Variants in ARL17B observed in about 807,000 individuals in gnomAD.
ARL17B encodes the protein ARF like GTPase 17B, also known as ADP-ribosylation factor-like protein 17.
intron 4 of ARL17B, chr17:46,275,473 G>A: frequency 1.4e-6 from 1 of 732,300 alleles, no homozygotes; most frequent in Admixed American, 2.2e-5. Flanking sequence ...TGAAAATGAT[G>A]CTTTATGCGG....
At chr17:46,279,309 A>G (rs2049690625) in intron 4 of ARL17B, among the ~76,000 whole-genome samples, 1 of 148,838 alleles carries the variant, frequency 6.7e-6, no homozygotes, top group Non-Finnish European at 1.5e-5. Context: ...TCAGCCTCCC[A>G]AGTAGCGAGG....
chr17:46,279,656 C>G (rs540798379), intron 4 of ARL17B, among the ~76,000 whole-genome samples: 127 of 152,058 alleles, frequency 8.4e-4, no homozygotes, highest in African/African-American at 2.8e-3. Flanking sequence ...CATCACCATG[C>G]CTGGCTAATT....
At chr17:46,281,226 C>A (rs529113786) in intron 4 of ARL17B, among the ~76,000 whole-genome samples, 1 of 152,146 alleles carries the variant, frequency 6.6e-6, no homozygotes, top group South Asian at 2.1e-4. Flanking sequence ...ACCCCTTGCT[C>A]CCCCCACCCC....
chr17:46,277,652 T>C (rs2049627482), intron 4 of ARL17B, among the ~76,000 whole-genome samples: 2 of 151,148 alleles, frequency 1.3e-5, no homozygotes, highest in Non-Finnish European at 2.9e-5. Flanking sequence ...TTTCTTTCTT[T>C]CTTTTTTTTT....
rs963979069 is a variant in ARL17B, at chr17:46,311,505, C to T, written c.260-11840G>A. Among the ~76,000 whole-genome samples, 41 of 82,540 alleles carry T rather than the reference C, an allele frequency of 5.0e-4. 5 individuals carry two copies. Among genetic ancestry groups the T allele is most frequent in the African/African-American group, 1.4e-3 (39 of 28,412 alleles). 54.1% of individuals were successfully genotyped at this position (82,540 alleles called of 152,430 possible). The stretch of plus-strand genomic sequence containing the variant: ...AGCTAGAGCTGTTAGGATTTCAGTA[C>T]ATTTAAGACAGTGATGACATGCTCC... On this transcript the variant is annotated intron_variant, in intron 3 of 4. Coordinates refer to the ARL17B transcript ENST00000434041.
chr17:46,275,967 T>C (rs1240800281), intron 4 of ARL17B, among the ~76,000 whole-genome samples: 10 of 152,190 alleles, frequency 6.6e-5, no homozygotes, highest in Non-Finnish European at 1.3e-4. Flanking sequence ...CTTGGCTCAC[T>C]GCAACCTCTG....
intron 3 of ARL17B, among the ~76,000 whole-genome samples, chr17:46,350,290 T>C (rs2052692438): frequency 1.2e-5 from 1 of 82,998 alleles, no homozygotes; most frequent in African/African-American, 3.3e-5. Context: ...TGCCACTGAA[T>C]TGTACACTTA....
At chr17:46,282,264 G>A (rs11869334) in intron 4 of ARL17B, among the ~76,000 whole-genome samples, 3,703 of 151,850 alleles carry the variant, frequency 0.024, 131 homozygotes, top group African/African-American at 0.076. Context: ...CACCACGCCC[G>A]CCTAATTTTT....
chr17:46,292,455 GA>G lies in ARL17B; in HGVS notation c.*21+7070del, dbSNP rs776302920. Among the ~76,000 whole-genome samples the G allele has an allele frequency of 3.7e-5, 3 of 81,076 alleles. 1 individual carries two copies. The highest frequency in any genetic ancestry group is 1.1e-4 in the Non-Finnish European group (3 of 26,784). 53.2% of individuals were successfully genotyped at this position (81,076 alleles called of 152,430 possible). On this transcript the variant is annotated intron_variant, in intron 4 of 4. Transcript: ENST00000570618. ...ATTTGTTTCATTCTCAGGAAAATGT[GA>G]AACTCTGAAACTGCTTTTTGAGTGC... is the stretch of plus-strand genomic sequence containing the variant.
intron 4 of ARL17B, among the ~76,000 whole-genome samples, chr17:46,275,892 C>A (rs1433113488): frequency 7.4e-5 from 11 of 149,180 alleles, no homozygotes; most frequent in African/African-American, 2.8e-4. Flanking sequence ...GTTTTATTCA[C>A]AATTTTTTTT....
intron 3 of ARL17B, among the ~76,000 whole-genome samples, chr17:46,351,939 A>G (rs1419554810): frequency 1.3e-5 from 2 of 152,284 alleles, no homozygotes. Flanking sequence ...AAAAATATTA[A>G]AAAGTAATAA....
At chr17:46,288,615 A>T (rs2696491) in intron 4 of ARL17B, among the ~76,000 whole-genome samples, 21,743 of 119,048 alleles carry the variant, frequency 0.18, 2,004 homozygotes, top group Middle Eastern at 0.29. Context: ...ATATTTTTTA[A>T]AAAAAGTTTT....
At chr17:46,282,965 C>T (rs62071639) in intron 4 of ARL17B, among the ~76,000 whole-genome samples, 3 of 149,668 alleles carry the variant, frequency 2.0e-5, no homozygotes, top group African/African-American at 7.3e-5. Context: ...CTAAAACTAC[C>T]AAAATTAGTC....
At chr17:46,300,152 C>G (rs1264044867) in intron 3 of ARL17B, among the ~76,000 whole-genome samples, 1 of 58,078 alleles carries the variant, frequency 1.7e-5, no homozygotes, top group South Asian at 9.1e-4. Flanking sequence ...CTTACTTTGT[C>G]CTCTGGGCTG....
At chr17:46,306,809 ACT>A (rs2050580039) in intron 3 of ARL17B, among the ~76,000 whole-genome samples, 1 of 61,138 alleles carries the variant, frequency 1.6e-5, no homozygotes, top group East Asian at 3.1e-4. Flanking sequence ...GCAGTTAGAA[ACT>A]CTGCATATGA....
intron 3 of ARL17B, among the ~76,000 whole-genome samples, chr17:46,304,954 C>T (rs1333008784): frequency 2.9e-5 from 2 of 68,318 alleles, no homozygotes; most frequent in African/African-American, 6.8e-5. Context: ...CTGCAAGGTC[C>T]GCCTCCTGGG....
At chr17:46,291,969 C>CAAAAAAAAAAAAA (rs59554870) in intron 4 of ARL17B, among the ~76,000 whole-genome samples, 107 of 58,052 alleles carry the variant, frequency 1.8e-3, no homozygotes, top group Non-Finnish European at 2.3e-3. Flanking sequence ...TCTCAAAAAG[C>CAAAAAAAAAAAAA]AAAAAAAAAA....
chr17:46,291,658 T>C (rs906804102), intron 4 of ARL17B, among the ~76,000 whole-genome samples: 2 of 152,148 alleles, frequency 1.3e-5, no homozygotes, highest in Non-Finnish European at 2.9e-5. Context: ...CGGTGGCTCA[T>C]GCCTATAATC....
At chr17:46,275,273 G>T in exon 5 of ARL17B, 1 of 537,264 alleles carries the variant, frequency 1.9e-6, no homozygotes. Flanking sequence ...CAAAGTTTAG[G>T]TCAAGTCTTG....
Sources: gnomAD v4.1 joint callset for allele counts (sites outside exome capture counted in the v4.1 genomes callset) on GRCh38, gnomAD v4.1.1 for gene constraint, MANE v1.5 for transcripts, NCBI Gene and HGNC (gene_info 2026-07-23, HGNC 2026-07-21) for gene names.